The following CUL3 variants were observed in gnomAD, a reference collection of about 807,000 sequenced individuals.
The protein encoded by CUL3 is cullin 3, also known as cullin-3.
A neutral mutation model predicts 89.1 loss-of-function variants in CUL3; 19 were observed. That is an observed-to-expected ratio of 0.21 (90% CI 0.15 to 0.31). The LOEUF (loss-of-function observed/expected upper bound fraction) is 0.31, where lower values mean the gene tolerates loss of function less well. Ranked by LOEUF, CUL3 falls within the 10% of genes least tolerant of loss-of-function variation. The pLI is 1.00. For missense variants in CUL3, 469 were observed against 942.3 expected, an observed-to-expected ratio of 0.50 and a Z score of 6.58; for synonymous variants, 351 against 308.4, an observed-to-expected ratio of 1.14 and a Z score of -1.45.
Position 224,551,906 on chromosome 2 carries a change from T to A in CUL3, c.264+5753A>T, listed in dbSNP as rs539065579. On this transcript the variant is annotated intron_variant, in intron 2 of 15. Transcript: ENST00000264414. ...TAATCCCAGTTTAAACACTATCACT[T>A]CCTCAAACAGCCCTTTCTTGACCTA... 3.3e-5 allele frequency among the ~76,000 whole-genome samples: 5 copies of A among 152,332 alleles called. No individual in the cohort carries two copies. The South Asian group carries it at 1.0e-3, about 32-fold the overall frequency.
chr2:224,548,224 T>TA (rs879278674), intron 2 of CUL3, among the ~76,000 whole-genome samples: 12 of 152,250 alleles, frequency 7.9e-5, no homozygotes, highest in Admixed American at 2.6e-4. Context: ...TATGTAAGTC[T>TA]AAAACGTAAC....
chr2:224,567,379 G>A (rs577480260), intron 1 of CUL3, among the ~76,000 whole-genome samples: 7 of 152,148 alleles, frequency 4.6e-5, no homozygotes, highest in Admixed American at 3.9e-4. Flanking sequence ...CACCATGCGT[G>A]GCTAATATTT....
intron 3 of CUL3, among the ~76,000 whole-genome samples, chr2:224,534,251 G>C (rs1693797445): frequency 1.3e-5 from 2 of 152,120 alleles, no homozygotes; most frequent in African/African-American, 2.4e-5. Flanking sequence ...CAAAGTCAGT[G>C]TTTTCCAAAT....
In CUL3 at chr2:224,513,520, T is replaced by C. The variant is rs201202529; in HGVS notation, c.654+4A>G. 6.8e-7 allele frequency: 1 copy of C among 1,475,028 alleles called. No homozygotes were observed. Among genetic ancestry groups the C allele is most frequent in the Non-Finnish European group, 9.4e-7 (1 of 1,068,556 alleles). The allele number at this position is 1,475,028 out of a possible 1,614,324, so 91.4% of individuals were successfully genotyped here. ...GATTATTTATTTACATTTTCACGGA[T>C]TACCTGAAAAAATTCTGCAGACATT... On this transcript the variant is annotated splice_donor_region_variant and intron_variant, in intron 5 of 15. Transcript: ENST00000264414.
intron 10 of CUL3, among the ~76,000 whole-genome samples, chr2:224,502,090 T>C (rs1477820063): frequency 6.6e-6 from 1 of 152,202 alleles, no homozygotes; most frequent in Admixed American, 6.6e-5. Context: ...CATACAACTA[T>C]TTACATTAGA....
At chr2:224,516,624 G>T (rs1236250200) in intron 3 of CUL3, among the ~76,000 whole-genome samples, 1 of 149,018 alleles carries the variant, frequency 6.7e-6, no homozygotes, top group Non-Finnish European at 1.5e-5. Context: ...CTCCCTCCTT[G>T]CTTTTGATGG....
chr2:224,537,792 G>A (rs1332306552), intron 2 of CUL3, among the ~76,000 whole-genome samples: 2 of 152,052 alleles, frequency 1.3e-5, no homozygotes, highest in Non-Finnish European at 2.9e-5. Flanking sequence ...ATAAAATTAA[G>A]TTAAATGTTA....
In CUL3 at chr2:224,478,471, T is replaced by A. The variant is rs970328486; in HGVS notation, c.2030-126A>T. 5 of 728,518 alleles carry A rather than the reference T, an allele frequency of 6.9e-6. No individual in the cohort carries two copies. The Admixed American group carries it at 1.5e-4, about 22-fold the overall frequency. The allele number at this position is 728,518 out of a possible 1,614,324, so 45.1% of individuals were successfully genotyped here. The stretch of plus-strand genomic sequence containing the variant: ...TTCAGCCTCTGAATATACACACTTA[T>A]TAATTCAAGTACGCATTCAGAAACT... On this transcript the variant is annotated intron_variant, in intron 14 of 15. Transcript: ENST00000264414.
At chr2:224,476,908 G>C (rs4674910) in intron 15 of CUL3, among the ~76,000 whole-genome samples, 1 of 151,872 alleles carries the variant, frequency 6.6e-6, no homozygotes, top group Non-Finnish European at 1.5e-5. Flanking sequence ...CCTTGAGCCA[G>C]TACCTCAAAG....
chr2:224,491,857 C>T (rs148884906), intron 13 of CUL3, among the ~76,000 whole-genome samples: 7 of 152,270 alleles, frequency 4.6e-5, no homozygotes, highest in Non-Finnish European at 8.8e-5. Context: ...GGCAATTAGG[C>T]AACTGCTTGT....
At chr2:224,505,897 A>G (rs1460967772) in intron 8 of CUL3, 59 bp downstream of exon 8, 10 of 1,137,152 alleles carry the variant, frequency 8.8e-6, no homozygotes, top group Non-Finnish European at 1.2e-5. Context: ...CTAATTTTAC[A>G]TATAATTTTA....
intron 1 of CUL3, among the ~76,000 whole-genome samples, chr2:224,562,264 C>T (rs1201391057): frequency 6.6e-6 from 1 of 151,432 alleles, no homozygotes; most frequent in African/African-American, 2.4e-5. Context: ...TAAATTAATG[C>T]CTTATTGATA....
At position 224,470,169 on chromosome 2, in the gene CUL3, A is replaced by C. The variant is rs183842884; in HGVS notation, c.*4076T>G. The C allele has an allele frequency of 1.7e-3, 325 of 195,084 alleles. No individual in the cohort carries two copies. Among genetic ancestry groups the C allele is most frequent in the African/African-American group, 6.9e-3 (299 of 43,350 alleles). 12.1% of individuals were successfully genotyped at this position (195,084 alleles called of 1,614,324 possible). A position where few individuals can be genotyped will look rare whatever the true frequency, so the allele number is the denominator to read the frequency against. ...AAAGAATTCTGAGACTGAGAATTTT[A>C]ATTTTCCCACATTGCAATAAATCTT... is the stretch of plus-strand genomic sequence containing the variant. On this transcript the variant is annotated 3_prime_UTR_variant, in exon 16 of 16. Transcript: ENST00000264414.
chr2:224,511,448 C>T lies in CUL3; in HGVS notation c.789G>A (p.Val263=). ...GCTTGGAAATGAGTTCCCTTTCAAC[C>T]ACCTTTACAATTGGTTCTTCCGTTG... ...DKSTEEPIVK[V]VERELISKHM... Residue 263 remains valine (V), a synonymous_variant, in exon 6 of 16, where the codon GTG becomes GTA. Coordinates refer to ENST00000264414, the MANE Select transcript of CUL3 (RefSeq NM_003590.5). 6.2e-7 allele frequency: 1 copy of T among 1,613,874 alleles called. No homozygotes were observed. The highest frequency in any genetic ancestry group is 8.5e-7 in the Non-Finnish European group (1 of 1,179,884).
chr2:224,584,892 C>A, intron 1 of CUL3, 52 bp downstream of exon 1: 1 of 1,384,838 alleles, frequency 7.2e-7, no homozygotes, highest in South Asian at 1.3e-5. Context: ...TCGCGTGCGG[C>A]TCTCGGCCCG....
intron 1 of CUL3, among the ~76,000 whole-genome samples, chr2:224,578,353 A>G (rs1695357527): frequency 6.6e-6 from 1 of 151,322 alleles, no homozygotes; most frequent in South Asian, 2.1e-4. Flanking sequence ...AGCATATACA[A>G]TGATTATCTT....
intron 1 of CUL3, chr2:224,569,781 T>A: frequency 8.5e-7 from 1 of 1,176,828 alleles, no homozygotes. Flanking sequence ...ATCTACTACA[T>A]ACAAAGGACA....
chr2:224,565,688 T>G (rs1417374690), intron 1 of CUL3, among the ~76,000 whole-genome samples: 1 of 152,208 alleles, frequency 6.6e-6, no homozygotes, highest in Non-Finnish European at 1.5e-5. Context: ...CCTCATCATC[T>G]GTCACTGGTT....
intron 7 of CUL3, 150 bp downstream of exon 7, chr2:224,506,708 C>A: frequency 1.4e-6 from 1 of 710,312 alleles, no homozygotes; most frequent in Non-Finnish European, 2.2e-6. Context: ...TTGCAAAATC[C>A]TAAAATATGT....
Sources: allele counts gnomAD v4.1 joint callset (sites outside exome capture counted in the v4.1 genomes callset), GRCh38; gene constraint gnomAD v4.1.1; transcripts MANE v1.5; gene names NCBI Gene and HGNC (gene_info 2026-07-23, HGNC 2026-07-21).